Variants in R3HDM1 observed in about 807,000 individuals in gnomAD.
The protein encoded by R3HDM1 is R3H domain-containing protein 1.
Under a neutral mutation model 141.1 loss-of-function variants are expected in R3HDM1, and 46 were observed. The ratio of observed to expected loss-of-function variants is 0.33; its 90% CI spans 0.26 to 0.42. The LOEUF (loss-of-function observed/expected upper bound fraction) is 0.42, where lower values mean the gene tolerates loss of function less well. Ranked by LOEUF, R3HDM1 falls within the 10% of genes least tolerant of loss-of-function variation. The pLI is 1.00. For missense variants in R3HDM1, 1,184 were observed against 1,368.3 expected (o/e 0.87, Z 2.12); for synonymous variants, 435 against 472.9 (o/e 0.92, Z 1.04).
In R3HDM1 at chr2:135,631,786, T is replaced by G. The variant is rs1182667603; in HGVS notation, c.557+9T>G. Reference sequence around the variant, plus strand: ...TTCATTGGTAATAATGAGTAAGTCCTGACATTCAACAAGAAAAGAAATTGT... The same window carrying G: ...TTCATTGGTAATAATGAGTAAGTCCGGACATTCAACAAGAAAAGAAATTGT... On this transcript the variant is annotated intron_variant, in intron 8 of 26. Coordinates refer to ENST00000683871, the MANE Select transcript of R3HDM1 (RefSeq NM_001378107.1). 1 of 1,571,558 alleles carries G rather than the reference T, an allele frequency of 6.4e-7. No individual in the cohort carries two copies. Among genetic ancestry groups the G allele is most frequent in the Non-Finnish European group, 8.6e-7 (1 of 1,160,904 alleles).
At chr2:135,661,102 A>G (rs2066643749) in intron 18 of R3HDM1, among the ~76,000 whole-genome samples, 168 bp from the exon 19 acceptor site, 1 of 150,030 alleles carries the variant, frequency 6.7e-6, no homozygotes, top group Admixed American at 6.6e-5. Context: ...ATTTTTATGC[A>G]TACTTTGTTT....
intron 21 of R3HDM1, among the ~76,000 whole-genome samples, chr2:135,705,936 T>C (rs938482242): frequency 5.3e-5 from 8 of 152,246 alleles, no homozygotes; most frequent in Admixed American, 5.2e-4. Flanking sequence ...GAGACCATCC[T>C]GGCTAACATG....
intron 9 of R3HDM1, chr2:135,633,587 G>A (rs977619257): frequency 2.8e-5 from 4 of 144,978 alleles, no homozygotes; most frequent in Non-Finnish European, 4.5e-5. Flanking sequence ...AAGTTACACT[G>A]TACTTTTTAT....
In R3HDM1 at chr2:135,639,104, G is replaced by A. The variant is rs1198814861; in HGVS notation, c.1201G>A (p.Gly401Ser). 3 of 1,613,844 alleles carry A rather than the reference G, an allele frequency of 1.9e-6. No homozygotes were observed. The highest frequency in any genetic ancestry group is 2.2e-5 in the East Asian group (1 of 44,878). Residue 401 changes from glycine (G) to serine (S), a missense_variant, in exon 14 of 27, where the codon GGC becomes AGC. By Grantham distance (56) the Gly-to-Ser change is moderately conservative. Coordinates refer to ENST00000683871, the MANE Select transcript of R3HDM1 (RefSeq NM_001378107.1). Reference protein sequence around the residue: ...GDSSGSSKSIGRLSKTGSESS... With the variant: ...GDSSGSSKSISRLSKTGSESS... ...TAGTTCTGGAAGCAGCAAAAGCATA[G>A]GCAGGCTTTCAAAAACAGGTATAAA... is the stretch of plus-strand genomic sequence containing the variant.
chr2:135,682,496 T>C (rs924919223), intron 21 of R3HDM1, among the ~76,000 whole-genome samples: 20 of 152,344 alleles, frequency 1.3e-4, no homozygotes, highest in African/African-American at 4.8e-4. Context: ...GTGAGCCTTA[T>C]TTTAAGCATA....
intron 23 of R3HDM1, 134 bp downstream of exon 23, chr2:135,710,365 C>A: frequency 1.1e-6 from 1 of 882,072 alleles, no homozygotes; most frequent in Non-Finnish European, 1.7e-6. Flanking sequence ...TGGCTCTCCC[C>A]TGTAATCCCA....
chr2:135,621,272 T>A (rs2061489777), intron 5 of R3HDM1, among the ~76,000 whole-genome samples: 1 of 152,072 alleles, frequency 6.6e-6, no homozygotes, highest in South Asian at 2.1e-4. Flanking sequence ...GGATTTGTTT[T>A]AATTGATATA....
At chr2:135,717,455 G>T (rs1361229892) in intron 24 of R3HDM1, among the ~76,000 whole-genome samples, 2 of 151,936 alleles carry the variant, frequency 1.3e-5, no homozygotes, top group African/African-American at 4.8e-5. Context: ...CTGCACTCCA[G>T]CCTGGGCAAC....
chr2:135,718,380 C>G (rs2076371618), intron 24 of R3HDM1, among the ~76,000 whole-genome samples: 1 of 152,154 alleles, frequency 6.6e-6, no homozygotes, highest in African/African-American at 2.4e-5. Context: ...TACACACACA[C>G]ATATGCATGA....
intron 1 of R3HDM1, among the ~76,000 whole-genome samples, chr2:135,567,064 A>G (rs1702957118): frequency 6.6e-6 from 1 of 152,028 alleles, no homozygotes; most frequent in Admixed American, 6.6e-5. Flanking sequence ...TTTGTGGTCA[A>G]GTTCTCAGTG....
At chr2:135,639,788 GT>G (rs929357541) in intron 14 of R3HDM1, among the ~76,000 whole-genome samples, 1 of 152,008 alleles carries the variant, frequency 6.6e-6, no homozygotes, top group Non-Finnish European at 1.5e-5. Context: ...CAAAATAAGC[GT>G]GAAAGTCAAA....
intron 1 of R3HDM1, chr2:135,550,186 TGTGA>T: frequency 1.0e-6 from 1 of 984,978 alleles, no homozygotes; most frequent in Non-Finnish European, 1.2e-6. Context: ...CACAGCTTTT[TGTGA>T]GTGTTGATTT....
At chr2:135,583,212 G>A (rs960245530) in intron 1 of R3HDM1, among the ~76,000 whole-genome samples, 2 of 151,996 alleles carry the variant, frequency 1.3e-5, no homozygotes, top group African/African-American at 4.8e-5. Flanking sequence ...CTAGTCTTCT[G>A]TAATTTTCCC....
intron 1 of R3HDM1, among the ~76,000 whole-genome samples, chr2:135,553,386 G>A (rs949147515): frequency 6.6e-6 from 1 of 152,144 alleles, no homozygotes; most frequent in Non-Finnish European, 1.5e-5. Flanking sequence ...AAGGCAAACA[G>A]CAGTGATTTG....
chr2:135,577,980 CTCT>C lies in R3HDM1; in HGVS notation c.-249-24513_-249-24511del, dbSNP rs561077528. On this transcript the variant is annotated intron_variant, in intron 1 of 26. Coordinates refer to ENST00000683871, the MANE Select transcript of R3HDM1 (RefSeq NM_001378107.1). ...CTGGTAAAAATACACACTAGCATAG[CTCT>C]TCTTCTGAAGAGCAGTGCCTAATAA... 3.0e-3 allele frequency among the ~76,000 whole-genome samples: 457 copies of C among 152,300 alleles called. 2 individuals are homozygous for C. Among genetic ancestry groups the C allele is most frequent in the African/African-American group, 0.01 (418 of 41,570 alleles).
At chr2:135,556,787 G>A (rs1700857563) in intron 1 of R3HDM1, among the ~76,000 whole-genome samples, 1 of 151,892 alleles carries the variant, frequency 6.6e-6, no homozygotes, top group South Asian at 2.1e-4. Context: ...CAAAGTGCTG[G>A]GATTACAGGC....
intron 1 of R3HDM1, chr2:135,590,457 A>T: frequency 1.3e-6 from 1 of 769,674 alleles, no homozygotes; most frequent in Non-Finnish European, 1.6e-6. Flanking sequence ...GACAATTGTA[A>T]AGAAACCCAT....
At position 135,636,210 on chromosome 2, in the gene R3HDM1, A is replaced by G. The variant is rs200900525; in HGVS notation, c.903+27A>G. 4.3e-5 allele frequency: 69 copies of G among 1,600,848 alleles called. No individual in the cohort carries two copies. In the African/African-American group the frequency reaches 8.5e-4, roughly 20 times the overall value. On this transcript the variant is annotated intron_variant, in intron 11 of 26. Transcript: ENST00000683871. ...TACGTACTAACTTACTTAGGTCTTC[A>G]TGTTAGAGTATATTCTAATTACGTT...
At chr2:135,654,425 CTTT>C (rs1382438648) in intron 18 of R3HDM1, among the ~76,000 whole-genome samples, 3 of 137,142 alleles carry the variant, frequency 2.2e-5, no homozygotes, top group Admixed American at 7.9e-5. Flanking sequence ...GGAATGTTTT[CTTT>C]TGTTGTTGTT....
Sources: allele counts gnomAD v4.1 joint callset (sites outside exome capture counted in the v4.1 genomes callset), GRCh38; gene constraint gnomAD v4.1.1; transcripts MANE v1.5; gene names NCBI Gene and HGNC (gene_info 2026-07-23, HGNC 2026-07-21).